ABR: variants seen among roughly 807,000 people sequenced by gnomAD.
The protein encoded by ABR is ABR activator of RhoGEF and GTPase.
Under a neutral mutation model 107.2 loss-of-function variants are expected in ABR, and 35 were observed. The ratio of observed to expected loss-of-function variants is 0.33; its 90% CI spans 0.25 to 0.43. The LOEUF is 0.43. Among genes scored for constraint, ABR ranks in the 20% least tolerant of loss-of-function variants. The pLI, the probability that ABR is intolerant of heterozygous loss-of-function variation, is 1.00. For synonymous variants in ABR, 498 were observed against 462.0 expected (o/e 1.08, Z -1.00); for missense variants, 815 against 1,115.2 (o/e 0.73, Z 3.83).
intron 2 of ABR, among the ~76,000 whole-genome samples, chr17:1,103,053 G>C (rs1323935188): frequency 6.6e-6 from 1 of 152,116 alleles, no homozygotes; most frequent in African/African-American, 2.4e-5. Flanking sequence ...AATTTGTGTG[G>C]TTTTAAGCCC....
chr17:1,127,620 G>C (rs59185342), intron 1 of ABR, among the ~76,000 whole-genome samples: 5,503 of 152,258 alleles, frequency 0.036, 229 homozygotes, highest in East Asian at 0.2. Context: ...GAGGCTCCAG[G>C]CTGCCCTGTT....
chr17:1,034,433 T>C (rs758988897), intron 16 of ABR, among the ~76,000 whole-genome samples: 10 of 152,144 alleles, frequency 6.6e-5, no homozygotes, highest in Non-Finnish European at 8.8e-5. Flanking sequence ...CACGGGTCAC[T>C]TGTGCACCTA....
In ABR at chr17:1,037,676, AG is replaced by A. The variant is rs1210270487; in HGVS notation, c.1791+12373del. On this transcript the variant is annotated intron_variant, in intron 16 of 22. Coordinates refer to ENST00000302538, the MANE Select transcript of ABR (RefSeq NM_021962.5). This position sits in a 1 kb window ranked among gnomAD's most constrained non-coding sequence, Gnocchi z 4.6. ...TTGCCTGCTCCTCCTCCCGGGAAGG[AG>A]GGGGTGTGGCCGGGTCTCCCAGCAC... Among the ~76,000 whole-genome samples the A allele has an allele frequency of 2.0e-5, 3 of 151,998 alleles. No individual in the cohort carries two copies. Among genetic ancestry groups the A allele is most frequent in the Non-Finnish European group, 4.4e-5 (3 of 67,994 alleles).
chr17:1,082,650 A>G (rs2151252827), intron 5 of ABR, among the ~76,000 whole-genome samples: 1 of 152,296 alleles, frequency 6.6e-6, no homozygotes, highest in African/African-American at 2.4e-5. Flanking sequence ...GTTGGCAAGA[A>G]CCTTAAAAGA....
intron 1 of ABR, among the ~76,000 whole-genome samples, chr17:1,170,184 G>A (rs2041656386): frequency 6.6e-6 from 1 of 152,156 alleles, no homozygotes; most frequent in Non-Finnish European, 1.5e-5. Context: ...GGATGCCTGG[G>A]GCAGAGGGCT....
intron 16 of ABR, among the ~76,000 whole-genome samples, chr17:1,031,008 GT>G (rs1244432485): frequency 6.6e-6 from 1 of 152,212 alleles, no homozygotes; most frequent in African/African-American, 2.4e-5. Flanking sequence ...CCCAACTCAG[GT>G]CTGGGGCTGC....
chr17:1,159,752 T>TATGTGGTACTCACACAC (rs2151563332), intron 1 of ABR, among the ~76,000 whole-genome samples: 1 of 152,070 alleles, frequency 6.6e-6, no homozygotes, highest in South Asian at 2.1e-4. Flanking sequence ...ACAGGAGAAG[T>TATGTGGTACTCACACAC]AGGAACGCAG....
chr17:1,194,287 A>C (rs945327228), intron 1 of ABR, among the ~76,000 whole-genome samples: 2 of 151,600 alleles, frequency 1.3e-5, no homozygotes, highest in Non-Finnish European at 2.9e-5. Context: ...TCCCGGGTTC[A>C]AGTAATTCTC....
intron 1 of ABR, among the ~76,000 whole-genome samples, chr17:1,132,409 C>T (rs374343142): frequency 1.5e-5 from 2 of 134,704 alleles, no homozygotes; most frequent in Admixed American, 8.3e-5. Context: ...GATGGAGTCT[C>T]GCTCTGTCAC....
Position 1,037,819 on chromosome 17 carries a change from C to G in ABR, c.1791+12231G>C, listed in dbSNP as rs1248314230. Reference sequence around the variant, plus strand: ...CCCGAACACCTCCCTTCCACCCAAGCTCCGAGCTCATGGTGGCCAGAAGCA... The same window carrying G: ...CCCGAACACCTCCCTTCCACCCAAGGTCCGAGCTCATGGTGGCCAGAAGCA... On this transcript the variant is annotated intron_variant, in intron 16 of 22. Coordinates refer to ENST00000302538, the MANE Select transcript of ABR (RefSeq NM_021962.5). The surrounding 1 kb of genome is among the most constrained non-coding windows in gnomAD (Gnocchi z 4.6). Among the ~76,000 whole-genome samples the G allele has an allele frequency of 3.9e-5, 6 of 152,258 alleles. No homozygotes were observed. Among genetic ancestry groups the G allele is most frequent in the Middle Eastern group, 3.4e-3 (1 of 294 alleles).
chr17:1,034,426 G>A (rs893228451), intron 16 of ABR, among the ~76,000 whole-genome samples: 5 of 152,154 alleles, frequency 3.3e-5, no homozygotes, highest in South Asian at 4.1e-4. Context: ...CATTTGGCAC[G>A]GGTCACTTGT....
chr17:1,032,830 G>C (rs1371607174), intron 16 of ABR, among the ~76,000 whole-genome samples: 2 of 152,198 alleles, frequency 1.3e-5, no homozygotes, highest in Non-Finnish European at 2.9e-5. Context: ...CAAAACCCAG[G>C]GGTGTCTGGG....
rs1348963321 is a variant in ABR at position 1,050,269 on chromosome 17, G to T, written c.1660-88C>A. The T allele has an allele frequency of 6.6e-7, 1 of 1,508,472 alleles. No homozygotes were observed. The allele number at this position is 1,508,472 out of a possible 1,614,324, so 93.4% of individuals were successfully genotyped here. On this transcript the variant is annotated intron_variant, in intron 15 of 22. Transcript: ENST00000302538. The surrounding 1 kb of genome is among the most constrained non-coding windows in gnomAD (Gnocchi z 4.6). ...GGTGCGTGCCTCAGCTTTGCAAGGA[G>T]GAGGGAGTAAGCACGGCCCACGAAG...
At position 1,092,900 on chromosome 17, in the gene ABR, G is replaced by A. The variant is rs1348357732; in HGVS notation, c.346-1050C>T. 6.9e-6 allele frequency among the ~76,000 whole-genome samples: 1 copy of A among 144,806 alleles called. No homozygotes were observed. Among genetic ancestry groups the A allele is most frequent in the African/African-American group, 2.5e-5 (1 of 39,656 alleles). The allele number at this position is 144,806 out of a possible 152,430, so 95.0% of individuals were successfully genotyped here. ...GGCTGGAGTGCAGTGGTGCGATCTC[G>A]GCTCCGCCTCCCGGGTTCACGCCAT... is the stretch of plus-strand genomic sequence containing the variant. On this transcript the variant is annotated intron_variant, in intron 3 of 22. Coordinates refer to ENST00000302538, the MANE Select transcript of ABR (RefSeq NM_021962.5). The surrounding 1 kb of genome is among the most constrained non-coding windows in gnomAD (Gnocchi z 4.6).
intron 1 of ABR, among the ~76,000 whole-genome samples, chr17:1,193,983 G>A (rs564207346): frequency 4.6e-4 from 70 of 152,150 alleles, no homozygotes; most frequent in African/African-American, 1.6e-3. Context: ...CGTGAGCCCC[G>A]CGCCTGGCCA....
intron 16 of ABR, among the ~76,000 whole-genome samples, chr17:1,014,073 G>T (rs2070905924): frequency 6.6e-6 from 1 of 152,226 alleles, no homozygotes; most frequent in African/African-American, 2.4e-5. Flanking sequence ...AAATAAAAGT[G>T]TGACATCATT....
At position 1,007,695 on chromosome 17, in the gene ABR, G is replaced by A. The variant is rs142880197; in HGVS notation, c.2343-383C>T. Among the ~76,000 whole-genome samples the A allele has an allele frequency of 5.9e-3, 892 of 152,342 alleles. 10 individuals carry two copies. Among genetic ancestry groups the A allele is most frequent in the African/African-American group, 0.02 (845 of 41,574 alleles). ...AAATATGATTATCGTCACCCCCATC[G>A]TGTAGATGAAGAAACCGAAGTACAG... On this transcript the variant is annotated intron_variant, in intron 21 of 22. Coordinates refer to ENST00000302538, the MANE Select transcript of ABR (RefSeq NM_021962.5).
chr17:1,217,448 AAC>A (rs2043031467), intron 1 of ABR, among the ~76,000 whole-genome samples: 1 of 152,154 alleles, frequency 6.6e-6, no homozygotes, highest in Non-Finnish European at 1.5e-5. Flanking sequence ...AAAATTAACC[AAC>A]ACGTACTGAG....
chr17:1,117,372 T>C (rs1258419743), intron 2 of ABR, among the ~76,000 whole-genome samples: 208 of 59,530 alleles, frequency 3.5e-3, no homozygotes, highest in Non-Finnish European at 5.2e-3. Context: ...TCCCTGAGCC[T>C]GAGTTCCTCC....
Sources: allele counts gnomAD v4.1 joint callset (sites outside exome capture counted in the v4.1 genomes callset), GRCh38; gene constraint gnomAD v4.1.1; non-coding constraint Gnocchi (gnomAD v3.1); transcripts MANE v1.5; gene names NCBI Gene and HGNC (gene_info 2026-07-23, HGNC 2026-07-21).